Variants in DNAH10 observed in about 807,000 individuals in gnomAD.
DNAH10 encodes dynein axonemal heavy chain 10.
Under a neutral mutation model 506.6 loss-of-function variants are expected in DNAH10, and 348 were observed. The ratio of observed to expected loss-of-function variants is 0.69; its 90% confidence interval spans 0.63 to 0.75. DNAH10 has a LOEUF of 0.75. Ranked by LOEUF, DNAH10 falls within the 30% of genes least tolerant of loss-of-function variation. The pLI is 0.00. For synonymous variants in DNAH10, 2,059 were observed against 2,198.6 expected, an observed-to-expected ratio of 0.94 and a Z score of 1.78; for missense variants, 5,179 against 5,787.1, an observed-to-expected ratio of 0.89 and a Z score of 3.41.
intron 23 of DNAH10, 100 bp from the exon 24 acceptor site, chr12:123,820,480 G>A (rs1017582879): frequency 1.8e-5 from 23 of 1,248,480 alleles, no homozygotes; most frequent in Non-Finnish European, 2.4e-5. Flanking sequence ...TGGTTTATGA[G>A]GATGAAATTA....
chr12:123,772,220 G>A (rs1957278644), intron 3 of DNAH10, among the ~76,000 whole-genome samples: 1 of 152,168 alleles, frequency 6.6e-6, no homozygotes, highest in South Asian at 2.1e-4. Flanking sequence ...AGGTTGAACT[G>A]ATCCTGTATG....
intron 21 of DNAH10, among the ~76,000 whole-genome samples, chr12:123,814,638 G>T (rs562215819): frequency 3.1e-5 from 4 of 129,594 alleles, no homozygotes; most frequent in African/African-American, 9.7e-5. Context: ...TTTTTGAGAC[G>T]GAGTCTCGCT....
chr12:123,818,334 AT>A (rs1959180793), intron 21 of DNAH10, among the ~76,000 whole-genome samples: 1 of 151,642 alleles, frequency 6.6e-6, no homozygotes, highest in Non-Finnish European at 1.5e-5. Context: ...ATTTTACTTT[AT>A]TTTTTTGAGA....
intron 13 of DNAH10, among the ~76,000 whole-genome samples, chr12:123,798,625 C>T (rs190019142): frequency 6.6e-6 from 1 of 151,934 alleles, no homozygotes; most frequent in East Asian, 1.9e-4. Flanking sequence ...GACCAACTCT[C>T]CAAGCTTTGG....
Position 123,833,224 on chromosome 12 carries a change from T to A in DNAH10, c.4656T>A (p.Ile1552=). 1 of 1,613,904 alleles carries A rather than the reference T, an allele frequency of 6.2e-7. No individual in the cohort carries two copies. The highest frequency in any genetic ancestry group is 1.3e-5 in the African/African-American group (1 of 75,042). The part of the protein sequence containing the change: ...GYILGSVDEI[I]QSLDDNTFNL... Reference sequence around the variant, plus strand: ...TCCTGGGTTCTGTTGACGAAATTATTCAGTCTCTTGATGACAACACTTTCA... The same window carrying A: ...TCCTGGGTTCTGTTGACGAAATTATACAGTCTCTTGATGACAACACTTTCA... Residue 1552 remains isoleucine, a synonymous_variant, in exon 27 of 79, where the codon ATT becomes ATA. Coordinates refer to ENST00000673944, the MANE Select transcript of DNAH10 (RefSeq NM_001372106.1).
At chr12:123,828,488 CT>C in intron 25 of DNAH10, among the ~76,000 whole-genome samples, 2 of 152,270 alleles carry the variant, frequency 1.3e-5, no homozygotes, top group South Asian at 4.1e-4. Flanking sequence ...TTGTGCTTAT[CT>C]GGGAGGGAGA....
chr12:123,879,267 C>G lies in DNAH10; in HGVS notation c.8376C>G (p.Phe2792Leu). Residue 2792 changes from phenylalanine to leucine, a missense_variant, in exon 49 of 79, where the codon TTC becomes TTG. Around this residue, in one of 3 missense-constraint regions of DNAH10, gnomAD observed 4,844 missense variants for 5,430.5 expected, o/e 0.89. Coordinates refer to ENST00000673944, the MANE Select transcript of DNAH10 (RefSeq NM_001372106.1). ...TTTTGTCCCTTCCATTCTGCAGATT[C>G]CAGACGGTGGCCCAGATGGTGAGAG... ...NGLVLTNPERFQTVAQMVRVW... is the reference protein window; with the variant it reads ...NGLVLTNPERLQTVAQMVRVW... 6.4e-7 allele frequency: 1 copy of G among 1,571,840 alleles called. No homozygotes were observed. Among genetic ancestry groups the G allele is most frequent in the Non-Finnish European group, 8.6e-7 (1 of 1,157,882 alleles).
chr12:123,883,523 C>T (rs766196137), intron 51 of DNAH10, among the ~76,000 whole-genome samples: 4 of 152,226 alleles, frequency 2.6e-5, no homozygotes, highest in African/African-American at 4.8e-5. Flanking sequence ...TATCTGACTT[C>T]TTTCACTATT....
In DNAH10 at chr12:123,893,438, T is replaced by G. The variant is rs757598917; in HGVS notation, c.9199+2T>G. ...GGACCTGGTGCAGAAACTTCCCAGG[T>G]ACCCGCGGTGGAGCCTGTGAACCCA... On this transcript the variant is annotated splice_donor_variant, in intron 53 of 78. Transcript: ENST00000673944. LOFTEE classifies it high-confidence loss of function. The G allele has an allele frequency of 6.2e-7, 1 of 1,612,256 alleles. No individual in the cohort carries two copies. Among genetic ancestry groups the G allele is most frequent in the Non-Finnish European group, 8.5e-7 (1 of 1,179,834 alleles).
chr12:123,898,863 A>G, intron 56 of DNAH10, 49 bp downstream of exon 56: 1 of 1,523,930 alleles, frequency 6.6e-7, no homozygotes, highest in East Asian at 2.4e-5. Context: ...CCCAATACCC[A>G]CCGTAGGTGA....
At chr12:123,933,605 T>A in intron 77 of DNAH10, 94 bp downstream of exon 77, 2 of 1,408,740 alleles carry the variant, frequency 1.4e-6, no homozygotes, top group Non-Finnish European at 1.9e-6. Flanking sequence ...AGCGTGGGCC[T>A]AAATGGGCCA....
At chr12:123,831,442 G>A (rs533652650) in intron 26 of DNAH10, among the ~76,000 whole-genome samples, 4 of 152,272 alleles carry the variant, frequency 2.6e-5, no homozygotes, top group South Asian at 2.1e-4. Flanking sequence ...GAGTTGATTC[G>A]TGATTGTGCA....
At chr12:123,811,836 G>A (rs1460560841) in intron 19 of DNAH10, among the ~76,000 whole-genome samples, 2 of 151,218 alleles carry the variant, frequency 1.3e-5, no homozygotes, top group African/African-American at 2.4e-5. Context: ...ACAGGGTTTC[G>A]CTATTTTGGC....
chr12:123,800,087 C>T, intron 14 of DNAH10, 129 bp from the exon 15 acceptor site: 1 of 782,778 alleles, frequency 1.3e-6, no homozygotes, highest in South Asian at 3.2e-5. Context: ...CAGCCAGTTC[C>T]AGCCAGCACC....
chr12:123,866,267 G>A (rs1434299400), intron 41 of DNAH10, among the ~76,000 whole-genome samples, 194 bp downstream of exon 41: 2 of 82,182 alleles, frequency 2.4e-5, no homozygotes, highest in East Asian at 2.7e-4. Flanking sequence ...TTTTGGAGAC[G>A]GAGTCTCGCT....
chr12:123,792,926 T>G (rs575561823), intron 11 of DNAH10, among the ~76,000 whole-genome samples: 1 of 152,230 alleles, frequency 6.6e-6, no homozygotes, highest in Non-Finnish European at 1.5e-5. Flanking sequence ...CTAAGTAAGG[T>G]TTCATGAGAC....
chr12:123,801,330 G>A lies in DNAH10; in HGVS notation c.2512G>A (p.Gly838Arg), dbSNP rs1314745187. ...RMLDHYHMLIGTLNDAESVLL... is the reference protein window; with the variant it reads ...RMLDHYHMLIRTLNDAESVLL... ...GTTGGATCATTATCACATGCTCATA[G>A]GAACGTTAAACGATGCGGAGTCTGT... is the stretch of plus-strand genomic sequence containing the variant. The change falls in exon 16 of 79, where the codon GGA becomes AGA. Residue 838 changes from glycine to arginine, a missense_variant. Coordinates refer to ENST00000673944, the MANE Select transcript of DNAH10 (RefSeq NM_001372106.1). The A allele has an allele frequency of 1.9e-6, 3 of 1,614,186 alleles. No individual in the cohort carries two copies. The Admixed American group carries it at 5.0e-5, about 27-fold the overall frequency.
In DNAH10 at chr12:123,917,794, C is replaced by T. The variant is rs202063832; in HGVS notation, c.11213C>T (p.Thr3738Ile). 6,224 of 1,574,356 alleles carry T rather than the reference C, an allele frequency of 4.0e-3. 27 individuals are homozygous for T. Among genetic ancestry groups the T allele is most frequent in the Middle Eastern group, 0.01 (62 of 6,022 alleles). ...GACCTGGTGCACACCCTGGAGGAGA[C>T]CAAATCCAAGGCAACAGAGGTAGCA... ...NVDLVHTLEE[T>I]KSKATEVSEK... Residue 3738 changes from threonine (T) to isoleucine (I), a missense_variant, in exon 64 of 79, where the codon ACC (threonine) becomes ATC (isoleucine). Coordinates refer to ENST00000673944, the MANE Select transcript of DNAH10 (RefSeq NM_001372106.1). The surrounding 1 kb of genome is among the most constrained non-coding windows in gnomAD (Gnocchi z 5.6).
rs1215286051 is a variant in DNAH10, at chr12:123,931,422, A to G, written c.12866A>G (p.Gln4289Arg). 6.2e-7 allele frequency: 1 copy of G among 1,613,994 alleles called. No homozygotes were observed. The highest frequency in any genetic ancestry group is 8.5e-7 in the Non-Finnish European group (1 of 1,179,892). The change falls in exon 74 of 79, where the codon CAG (glutamine) becomes CGG (arginine). Residue 4289 changes from glutamine to arginine, a missense_variant. Coordinates refer to ENST00000673944, the MANE Select transcript of DNAH10 (RefSeq NM_001372106.1). ...HPNAEIGYYT[Q>R]AARDMWAHLL... ...AACGCTGAGATTGGCTATTACACGC[A>G]GGCGGCTCGAGACATGTGGGCTCAC...
Sources: gnomAD v4.1 joint callset for allele counts (sites outside exome capture counted in the v4.1 genomes callset) on GRCh38, gnomAD v4.1.1 for gene constraint, gnomAD v4.1.1 regional missense constraint, Gnocchi (gnomAD v3.1) non-coding constraint, MANE v1.5 for transcripts, NCBI Gene and HGNC (gene_info 2026-07-23, HGNC 2026-07-21) for gene names.